SLCO1A2: variants seen among roughly 807,000 people sequenced by gnomAD.
SLCO1A2 encodes the protein OATP-1.
SLCO1A2 carries 67 observed loss-of-function variants against 69.0 expected under a neutral mutation model. That is an observed-to-expected ratio of 0.97 (90% CI 0.80 to 1.19). The LOEUF (loss-of-function observed/expected upper bound fraction) is 1.19. Among genes scored for constraint, SLCO1A2 ranks in the 50% most tolerant of loss-of-function variants. The pLI is 0.00. For missense variants in SLCO1A2, 787 were observed against 793.7 expected, an observed-to-expected ratio of 0.99 and a Z score of 0.10; for synonymous variants, 260 against 265.9, an observed-to-expected ratio of 0.98 and a Z score of 0.22.
At chr12:21,388,602 A>G (rs1941004996) in intron 1 of SLCO1A2, among the ~76,000 whole-genome samples, 1 of 152,166 alleles carries the variant, frequency 6.6e-6, no homozygotes, top group African/African-American at 2.4e-5. Context: ...TTATTTATAA[A>G]TTGCCCAGTC....
chr12:21,384,834 C>T (rs1293446044), intron 1 of SLCO1A2, among the ~76,000 whole-genome samples: 1 of 149,148 alleles, frequency 6.7e-6, no homozygotes, highest in Non-Finnish European at 1.5e-5. Flanking sequence ...GGCGCGATCT[C>T]GGCTCACTTC....
chr12:21,298,786 A>G (rs1402147906), intron 8 of SLCO1A2, among the ~76,000 whole-genome samples: 1 of 152,172 alleles, frequency 6.6e-6, no homozygotes, highest in African/African-American at 2.4e-5. Flanking sequence ...CAAGAGGTCT[A>G]TCAGTCCATA....
chr12:21,295,449 T>C (rs190898064), intron 10 of SLCO1A2, 148 bp downstream of exon 10: 79 of 612,992 alleles, frequency 1.3e-4, no homozygotes, highest in East Asian at 1.2e-3. Context: ...ATTGGCTTGA[T>C]TGACAGATGG....
intron 4 of SLCO1A2, among the ~76,000 whole-genome samples, chr12:21,308,228 T>TC (rs1305126955): frequency 6.6e-6 from 1 of 152,112 alleles, no homozygotes; most frequent in African/African-American, 2.4e-5. Context: ...AAATAGATTT[T>TC]CAAACAGAAT....
chr12:21,325,222 G>A (rs1952125836), intron 2 of SLCO1A2, among the ~76,000 whole-genome samples: 1 of 152,070 alleles, frequency 6.6e-6, no homozygotes, highest in African/African-American at 2.4e-5. Context: ...ATTCCTCAAA[G>A]GGCACATTTA....
At chr12:21,270,939 A>G (rs965457950) in intron 14 of SLCO1A2, among the ~76,000 whole-genome samples, 1 of 151,478 alleles carries the variant, frequency 6.6e-6, no homozygotes, top group African/African-American at 2.4e-5. Context: ...TATTCCCTCT[A>G]TGGTATATAG....
In SLCO1A2 at chr12:21,352,671, A is replaced by G. The variant is rs1398210699; in HGVS notation, c.-62-17962T>C. Among the ~76,000 whole-genome samples the G allele has an allele frequency of 3.9e-5, 6 of 152,232 alleles. No individual in the cohort carries two copies. In the East Asian group the frequency reaches 7.7e-4, roughly 20 times the overall value. On this transcript the variant is annotated intron_variant, in intron 2 of 15. Transcript: ENST00000307378. ...AACTCAAAATATTTGTTCAGAATAC[A>G]CAAGTGTTGGCTCTTCCATCCACAG...
chr12:21,331,703 A>G lies in SLCO1A2; in HGVS notation c.60+2885T>C, dbSNP rs1052721590. Among the ~76,000 whole-genome samples the G allele has an allele frequency of 5.9e-5, 9 of 151,292 alleles. 1 individual carries two copies. The highest frequency in any genetic ancestry group is 1.3e-4 in the Admixed American group (2 of 15,144). On this transcript the variant is annotated intron_variant, in intron 2 of 14. Transcript: ENST00000683939. ...TGCTGTTTACCATCTTACAGGCAGGAAAAAAAAAGCTCAAACTTGCCTTCC... is the reference window on the plus strand; with the variant it reads ...TGCTGTTTACCATCTTACAGGCAGGGAAAAAAAAGCTCAAACTTGCCTTCC...
intron 2 of SLCO1A2, among the ~76,000 whole-genome samples, chr12:21,320,295 A>G (rs1447101907): frequency 6.6e-6 from 1 of 152,168 alleles, no homozygotes; most frequent in Non-Finnish European, 1.5e-5. Context: ...CTTCATGATC[A>G]GCAAATGATA....
intron 2 of SLCO1A2, among the ~76,000 whole-genome samples, chr12:21,350,835 C>CAAAAAAAAAAAAAA (rs11454466): frequency 7.4e-5 from 3 of 40,730 alleles, no homozygotes; most frequent in African/African-American, 2.0e-4. Flanking sequence ...GACTCTGTCT[C>CAAAAAAAAAAAAAA]AAAAAAAAAA....
chr12:21,316,257 A>G (rs937517407), intron 3 of SLCO1A2, among the ~76,000 whole-genome samples: 9 of 152,200 alleles, frequency 5.9e-5, no homozygotes, highest in African/African-American at 2.2e-4. Context: ...CACTTACTCT[A>G]GTAATTAAAA....
chr12:21,408,299 T>G (rs1238424846), intron 1 of SLCO1A2, among the ~76,000 whole-genome samples: 2 of 152,172 alleles, frequency 1.3e-5, no homozygotes, highest in Non-Finnish European at 2.9e-5. Context: ...TGCTTCTTTG[T>G]GTCTATCAAC....
intron 8 of SLCO1A2, among the ~76,000 whole-genome samples, chr12:21,299,890 G>GTATA (rs35059155): frequency 6.2e-4 from 88 of 141,246 alleles, no homozygotes; most frequent in Admixed American, 2.8e-3. Flanking sequence ...ATATATACGT[G>GTATA]TATATATATA....
At chr12:21,404,673 T>C (rs1336990032) in intron 1 of SLCO1A2, among the ~76,000 whole-genome samples, 1 of 152,190 alleles carries the variant, frequency 6.6e-6, no homozygotes, top group East Asian at 1.9e-4. Flanking sequence ...TCTTTGCTAT[T>C]GTGAATAGTG....
chr12:21,419,525 G>C (rs1035397272), upstream of SLCO1A2: 1 of 153,414 alleles, frequency 6.5e-6, no homozygotes, highest in Non-Finnish European at 1.4e-5. Context: ...CTTAAAAAAT[G>C]GTGCAGCACG....
At chr12:21,275,549 A>G (rs1411915781) in intron 12 of SLCO1A2, 125 bp from the exon 13 acceptor site, 1 of 996,684 alleles carries the variant, frequency 1.0e-6, no homozygotes, top group Non-Finnish European at 1.4e-6. Flanking sequence ...TTTCATGCTC[A>G]CTTATTGGTT....
intron 2 of SLCO1A2, among the ~76,000 whole-genome samples, chr12:21,359,553 A>G (rs1565514748): frequency 6.6e-6 from 1 of 152,144 alleles, no homozygotes. Context: ...GTAACACCCA[A>G]TCAACATTGT....
At chr12:21,277,053 C>T (rs1429085620) in intron 12 of SLCO1A2, among the ~76,000 whole-genome samples, 1 of 152,238 alleles carries the variant, frequency 6.6e-6, no homozygotes, top group Non-Finnish European at 1.5e-5. Flanking sequence ...TACTGAGACA[C>T]CAGCCAGGGA....
chr12:21,359,187 G>A (rs998840668), intron 2 of SLCO1A2, among the ~76,000 whole-genome samples: 3 of 151,988 alleles, frequency 2.0e-5, no homozygotes, highest in Admixed American at 1.3e-4. Context: ...GACCATCCCC[G>A]CATACTTCCT....
Sources: gnomAD v4.1 joint callset for allele counts (sites outside exome capture counted in the v4.1 genomes callset) on GRCh38, gnomAD v4.1.1 for gene constraint, MANE v1.5 for transcripts, NCBI Gene and HGNC (gene_info 2026-07-23, HGNC 2026-07-21) for gene names.